ZNF385D: variants seen among roughly 807,000 people sequenced by gnomAD.
The protein encoded by ZNF385D is zinc finger protein 385D.
A neutral mutation model predicts 35.8 loss-of-function variants in ZNF385D; 15 were observed. That is an observed-to-expected ratio of 0.42 (90% CI 0.28 to 0.64). ZNF385D has a LOEUF of 0.64. Among genes scored for constraint, ZNF385D ranks in the 30% least tolerant of loss-of-function variants. ZNF385D has a pLI of 0.23. For missense variants in ZNF385D, 474 were observed against 494.6 expected, an observed-to-expected ratio of 0.96 and a Z score of 0.39; for synonymous variants, 212 against 186.8, an observed-to-expected ratio of 1.13 and a Z score of -1.10.
At chr3:21,660,072 T>TAGGAGTCAGCTGCTAGGACTTGATCAA (rs1455023217) in intron 2 of ZNF385D, among the ~76,000 whole-genome samples, 6 of 152,030 alleles carry the variant, frequency 3.9e-5, no homozygotes, top group Non-Finnish European at 7.4e-5. Flanking sequence ...TTTGTAAAAC[T>TAGGAGTCAGCTGCTAGGACTTGATCAA]AGGAGTCAGC....
intron 3 of ZNF385D, among the ~76,000 whole-genome samples, chr3:21,830,855 T>A (rs1694948188): frequency 6.6e-6 from 1 of 152,170 alleles, no homozygotes; most frequent in Admixed American, 6.5e-5. Flanking sequence ...CTGGAGTGTA[T>A]CCAGAGGAAA....
chr3:22,011,643 T>G (rs1306066365), intron 3 of ZNF385D, among the ~76,000 whole-genome samples: 1 of 152,140 alleles, frequency 6.6e-6, no homozygotes, highest in Non-Finnish European at 1.5e-5. Flanking sequence ...GTTGTATTAA[T>G]AAGTATGGTT....
chr3:21,877,965 G>T (rs1456868778), intron 3 of ZNF385D: 1 of 151,988 alleles, frequency 6.6e-6, no homozygotes, highest in Non-Finnish European at 1.5e-5. Context: ...AAGATTTCAT[G>T]ATAAAATGAT....
intron 3 of ZNF385D, among the ~76,000 whole-genome samples, chr3:21,889,082 C>G (rs1698702963): frequency 6.6e-6 from 1 of 152,152 alleles, no homozygotes; most frequent in Non-Finnish European, 1.5e-5. Context: ...TGTCAGAGAC[C>G]TTAATAAGAA....
chr3:21,706,051 A>G (rs1182251999), intron 1 of ZNF385D, among the ~76,000 whole-genome samples: 2 of 152,164 alleles, frequency 1.3e-5, no homozygotes, highest in Non-Finnish European at 2.9e-5. Flanking sequence ...CTGATGCACT[A>G]CTTTGACTCC....
chr3:22,114,451 C>G (rs909572794), intron 3 of ZNF385D, among the ~76,000 whole-genome samples: 1 of 151,750 alleles, frequency 6.6e-6, no homozygotes, highest in African/African-American at 2.4e-5. Context: ...TTGTGTTTTC[C>G]CAGAAATAAT....
At chr3:22,206,089 T>A (rs1282457981) in intron 2 of ZNF385D, among the ~76,000 whole-genome samples, 2 of 151,974 alleles carry the variant, frequency 1.3e-5, no homozygotes, top group East Asian at 3.9e-4. Context: ...TGGAAAAAGA[T>A]ATTATCTGCA....
intron 1 of ZNF385D, among the ~76,000 whole-genome samples, chr3:21,678,114 G>T (rs1406851227): frequency 6.6e-6 from 1 of 151,976 alleles, no homozygotes; most frequent in Non-Finnish European, 1.5e-5. Context: ...CAACATTAGG[G>T]CATCCAAACC....
chr3:21,900,146 T>C (rs559147170), intron 3 of ZNF385D, among the ~76,000 whole-genome samples: 8 of 152,184 alleles, frequency 5.3e-5, no homozygotes, highest in African/African-American at 1.9e-4. Context: ...GATATGCCAA[T>C]TAAAACAACC....
At chr3:22,356,591 G>A (rs1452802492) in intron 2 of ZNF385D, among the ~76,000 whole-genome samples, 1 of 151,918 alleles carries the variant, frequency 6.6e-6, no homozygotes, top group Non-Finnish European at 1.5e-5. Context: ...AGATTTCAAG[G>A]AAATATAAAG....
At chr3:21,537,385 G>A (rs527258576) in intron 3 of ZNF385D, among the ~76,000 whole-genome samples, 9 of 151,452 alleles carry the variant, frequency 5.9e-5, no homozygotes, top group Non-Finnish European at 1.2e-4. Flanking sequence ...CACCTGCCTC[G>A]GGTTACAGGC....
intron 2 of ZNF385D, among the ~76,000 whole-genome samples, chr3:22,211,294 TG>T (rs1275089264): frequency 6.6e-6 from 1 of 151,886 alleles, no homozygotes; most frequent in African/African-American, 2.4e-5. Flanking sequence ...AATTACAGAC[TG>T]GAAAAGCAAA....
chr3:22,303,776 TTTC>T lies in ZNF385D; in HGVS notation c.106+68671_106+68673del, dbSNP rs1169793841. 3.3e-5 allele frequency among the ~76,000 whole-genome samples: 5 copies of T among 152,164 alleles called. No homozygotes were observed. In the East Asian group the frequency reaches 9.6e-4, roughly 29 times the overall value. Reference sequence around the variant, plus strand: ...TTTTTGGCATTTACTTCTGTTTCCTTTTCTTTTTTTTCTTTTCTGAGATGGAGT... The same window carrying T: ...TTTTTGGCATTTACTTCTGTTTCCTTTTTTTTTTCTTTTCTGAGATGGAGT... On this transcript the variant is annotated intron_variant, in intron 2 of 5. Transcript: ENST00000494108.
chr3:21,857,622 G>A (rs1014176224), intron 3 of ZNF385D, among the ~76,000 whole-genome samples: 2 of 151,892 alleles, frequency 1.3e-5, no homozygotes, highest in Admixed American at 1.3e-4. Context: ...TGGAGGAGGA[G>A]TTGCAGCCTC....
chr3:21,712,931 C>T (rs2068169719), intron 1 of ZNF385D, among the ~76,000 whole-genome samples: 2 of 152,200 alleles, frequency 1.3e-5, no homozygotes, highest in South Asian at 4.1e-4. Flanking sequence ...CTCAACCCAT[C>T]ACACACACAA....
At chr3:21,438,193 A>C (rs1701669015) in intron 4 of ZNF385D, among the ~76,000 whole-genome samples, 1 of 152,174 alleles carries the variant, frequency 6.6e-6, no homozygotes. Context: ...ATTGCAAATA[A>C]GCTCTACACT....
intron 4 of ZNF385D, among the ~76,000 whole-genome samples, chr3:21,457,094 G>T (rs948507574): frequency 6.6e-6 from 1 of 152,100 alleles, no homozygotes; most frequent in Non-Finnish European, 1.5e-5. Context: ...TTAGCGTCTA[G>T]AATGGTTACC....
At chr3:22,214,852 C>T (rs568204033) in intron 2 of ZNF385D, among the ~76,000 whole-genome samples, 2 of 151,934 alleles carry the variant, frequency 1.3e-5, no homozygotes, top group African/African-American at 2.4e-5. Context: ...TCTCGCCCTG[C>T]CTCCATTTGC....
At chr3:21,451,467 T>C (rs1317556368) in intron 4 of ZNF385D, among the ~76,000 whole-genome samples, 1 of 149,474 alleles carries the variant, frequency 6.7e-6, no homozygotes, top group Non-Finnish European at 1.5e-5. Context: ...TTATGTCTCA[T>C]TATTTTTTGC....
Sources: gnomAD v4.1 joint callset for allele counts (sites outside exome capture counted in the v4.1 genomes callset) on GRCh38, gnomAD v4.1.1 for gene constraint, MANE v1.5 for transcripts, NCBI Gene and HGNC (gene_info 2026-07-23, HGNC 2026-07-21) for gene names.